The following DPYSL4 variants were observed in gnomAD, a reference collection of about 807,000 sequenced individuals.
The protein encoded by DPYSL4 is dihydropyrimidinase-related protein 4.
Under a neutral mutation model 63.4 loss-of-function variants are expected in DPYSL4, and 43 were observed. The ratio of observed to expected loss-of-function variants is 0.68; its 90% CI spans 0.53 to 0.88. The LOEUF is 0.88. Ranked by LOEUF, DPYSL4 falls within the 40% of genes least tolerant of loss-of-function variation. DPYSL4 has a pLI of 0.00. For missense variants in DPYSL4, 733 were observed against 819.5 expected (o/e 0.89, Z 1.29); for synonymous variants, 353 against 331.7 (o/e 1.06, Z -0.70).
At chr10:132,198,808 C>T (rs756114674) in intron 7 of DPYSL4, 43 bp from the exon 8 acceptor site, 6 of 1,608,112 alleles carry the variant, frequency 3.7e-6, no homozygotes, top group Non-Finnish European at 5.1e-6. Context: ...GTCTGGAGCC[C>T]CAGGGCCCTC....
intron 4 of DPYSL4, 96 bp downstream of exon 4, chr10:132,195,105 T>C: frequency 7.3e-7 from 1 of 1,374,068 alleles, no homozygotes; most frequent in South Asian, 1.5e-5. Context: ...TGCTCTGCCC[T>C]GGGGGCTGGT....
Position 132,194,097 on chromosome 10 carries a change from C to T in DPYSL4, c.314-748C>T, listed in dbSNP as rs550213342. ...CACAGACACGAGGCTGGCCTCTATC[C>T]TGCCTCTGTCTTCCTCGGCCTGCAG... On this transcript the variant is annotated intron_variant, in intron 3 of 13. Coordinates refer to ENST00000338492, the MANE Select transcript of DPYSL4 (RefSeq NM_006426.3). 1.6e-3 allele frequency among the ~76,000 whole-genome samples: 250 copies of T among 152,392 alleles called. 2 individuals are homozygous for T. The highest frequency in any genetic ancestry group is 2.5e-3 in the Non-Finnish European group (167 of 68,042).
At chr10:132,201,145 C>T (rs1381980833) in intron 10 of DPYSL4, among the ~76,000 whole-genome samples, 162 bp downstream of exon 10, 1 of 152,172 alleles carries the variant, frequency 6.6e-6, no homozygotes, top group African/African-American at 2.4e-5. Flanking sequence ...GCGCCTCAGA[C>T]ACGTGGTTCT....
At chr10:132,189,357 C>G (rs2061844325) in intron 1 of DPYSL4, among the ~76,000 whole-genome samples, 1 of 152,252 alleles carries the variant, frequency 6.6e-6, no homozygotes, top group Non-Finnish European at 1.5e-5. Flanking sequence ...GTCAGATCTT[C>G]ACCTCTGACG....
intron 4 of DPYSL4, among the ~76,000 whole-genome samples, chr10:132,195,610 T>C (rs2061933206): frequency 6.6e-6 from 1 of 152,162 alleles, no homozygotes; most frequent in African/African-American, 2.4e-5. Context: ...GGATGCCTGC[T>C]ACCCGTCCCC....
At position 132,195,066 on chromosome 10, in the gene DPYSL4, G is replaced by A. The variant is rs1590095316; in HGVS notation, c.478+57G>A. On this transcript the variant is annotated intron_variant, in intron 4 of 13. Coordinates refer to ENST00000338492, the MANE Select transcript of DPYSL4 (RefSeq NM_006426.3). ...CATGGAGCCTGGTGGAGGAGCCTCT[G>A]CCCTGACCCTGTGTTCTGCCGATGG... 3 of 1,552,558 alleles carry A rather than the reference G, an allele frequency of 1.9e-6. No homozygotes were observed. The East Asian group carries it at 6.8e-5, about 35-fold the overall frequency.
chr10:132,191,039 G>C (rs1196691851), intron 2 of DPYSL4, among the ~76,000 whole-genome samples: 1 of 122,818 alleles, frequency 8.1e-6, no homozygotes, highest in Non-Finnish European at 1.7e-5. Context: ...TTCCCAGCTC[G>C]TGTGTACACG....
intron 1 of DPYSL4, 122 bp from the exon 2 acceptor site, chr10:132,190,625 G>C: frequency 1.1e-6 from 1 of 903,568 alleles, no homozygotes; most frequent in East Asian, 2.8e-5. Context: ...TTTTGTGCTC[G>C]TTTTTACGTC....
chr10:132,202,070 G>A lies in DPYSL4; in HGVS notation c.1235G>A (p.Trp412Ter). The change falls in exon 11 of 14, where the codon TGG becomes TAG. Residue 412 changes from tryptophan to a stop codon, truncating the protein, a stop_gained. Coordinates refer to ENST00000338492, the MANE Select transcript of DPYSL4 (RefSeq NM_006426.3). LOFTEE classifies it high-confidence loss of function. ...GGCTCTGACGCTGACCTGGTCATAT[G>A]GAACCCCAAGGCCACCAAGATCATC... ...AVGSDADLVI[W>*]NPKATKIISA... 2 of 1,613,018 alleles carry A rather than the reference G, an allele frequency of 1.2e-6. No individual in the cohort carries two copies. Among genetic ancestry groups the A allele is most frequent in the Non-Finnish European group, 1.7e-6 (2 of 1,179,884 alleles).
chr10:132,194,386 T>TG (rs1246269123), intron 3 of DPYSL4, among the ~76,000 whole-genome samples: 1 of 152,160 alleles, frequency 6.6e-6, no homozygotes, highest in African/African-American at 2.4e-5. Context: ...TCAAGTCTTG[T>TG]GGGGCACTCG....
At chr10:132,189,856 C>G (rs2061851030) in intron 1 of DPYSL4, among the ~76,000 whole-genome samples, 1 of 152,234 alleles carries the variant, frequency 6.6e-6, no homozygotes, top group Admixed American at 6.5e-5. Flanking sequence ...GGCCCCCAGT[C>G]AGGGGGCAGC....
At chr10:132,187,757 C>A (rs972774915) in intron 1 of DPYSL4, among the ~76,000 whole-genome samples, 3 of 152,234 alleles carry the variant, frequency 2.0e-5, no homozygotes, top group Non-Finnish European at 4.4e-5. Context: ...ACCCTGGCAG[C>A]CCCTGAACCT....
chr10:132,186,998 C>G lies in DPYSL4; in HGVS notation c.-66C>G. On this transcript the variant is annotated 5_prime_UTR_variant, in exon 1 of 14. Coordinates refer to ENST00000338492, the MANE Select transcript of DPYSL4 (RefSeq NM_006426.3). ...GCACGCGTCCCGGCTCACGCGTCCC[C>G]CCGCCCGCCCGCCCGCCCGCCCGCC... is the stretch of plus-strand genomic sequence containing the variant. 1.1e-3 allele frequency: 7 copies of G among 6,612 alleles called. 1 individual carries two copies. Among genetic ancestry groups the G allele is most frequent in the Non-Finnish European group, 1.8e-3 (7 of 3,946 alleles). 0.4% of individuals were successfully genotyped at this position (6,612 alleles called of 1,614,324 possible). A position where few individuals can be genotyped will look rare whatever the true frequency, so the allele number is the denominator to read the frequency against.
At chr10:132,195,680 T>C (rs2818420) in intron 4 of DPYSL4, among the ~76,000 whole-genome samples, 125,222 of 152,204 alleles carry the variant, frequency 0.82, 51,669 homozygotes, top group East Asian at 0.96. Flanking sequence ...TTCCCATTCC[T>C]CAGAGGGTGA....
intron 1 of DPYSL4, among the ~76,000 whole-genome samples, chr10:132,187,963 C>T (rs2061827528): frequency 6.6e-6 from 1 of 152,112 alleles, no homozygotes; most frequent in Non-Finnish European, 1.5e-5. Flanking sequence ...GCGGGAGGGC[C>T]GTGGGGTCTG....
chr10:132,192,178 T>G (rs190818439), intron 2 of DPYSL4: 203 of 313,822 alleles, frequency 6.5e-4, no homozygotes, highest in African/African-American at 4.3e-3. Flanking sequence ...AGCAGTAAGC[T>G]GGTGGCCACT....
intron 12 of DPYSL4, 124 bp downstream of exon 12, chr10:132,202,949 G>A (rs1002085276): frequency 3.0e-5 from 36 of 1,198,344 alleles, no homozygotes; most frequent in African/African-American, 2.2e-4. Flanking sequence ...GAGCGGGGCC[G>A]CTGCTTGCCC....
At chr10:132,192,254 C>G (rs1458660407) in intron 2 of DPYSL4, 2 of 954,530 alleles carry the variant, frequency 2.1e-6, no homozygotes, top group African/African-American at 3.5e-5. Flanking sequence ...AGCAGGACAC[C>G]AGCTTCCACG....
chr10:132,202,604 C>T (rs1202274941), intron 11 of DPYSL4, 42 bp from the exon 12 acceptor site: 4 of 1,604,392 alleles, frequency 2.5e-6, no homozygotes, highest in Admixed American at 1.7e-5. Flanking sequence ...GACTGTTGGG[C>T]CCCAGCGTGG....
Sources: gnomAD v4.1 joint callset for allele counts (sites outside exome capture counted in the v4.1 genomes callset) on GRCh38, gnomAD v4.1.1 for gene constraint, MANE v1.5 for transcripts, NCBI Gene and HGNC (gene_info 2026-07-23, HGNC 2026-07-21) for gene names.